The following TMEM123 variants were observed in gnomAD, a reference collection of about 807,000 sequenced individuals.
TMEM123 encodes the protein porimin.
A neutral mutation model predicts 19.7 loss-of-function variants in TMEM123; 16 were observed. That is an observed-to-expected ratio of 0.81 (90% CI 0.55 to 1.23). The LOEUF is 1.23. TMEM123 is among the 50% of genes most tolerant of loss of function. TMEM123 has a pLI of 0.00. For missense variants in TMEM123, 313 were observed against 257.8 expected, an observed-to-expected ratio of 1.21 and a Z score of -1.47; for synonymous variants, 118 against 99.4, an observed-to-expected ratio of 1.19 and a Z score of -1.12.
At chr11:102,440,935 A>C (rs1313234465) in intron 2 of TMEM123, among the ~76,000 whole-genome samples, 2 of 152,212 alleles carry the variant, frequency 1.3e-5, no homozygotes, top group Non-Finnish European at 2.9e-5. Context: ...CAAAGATCAA[A>C]AGAGACAAAG....
intron 2 of TMEM123, among the ~76,000 whole-genome samples, chr11:102,432,043 G>T (rs979101730): frequency 1.3e-4 from 20 of 152,112 alleles, no homozygotes; most frequent in African/African-American, 4.8e-4. Flanking sequence ...AATCCATCTT[G>T]GGTATTTCTT....
chr11:102,424,520 C>A (rs573446642), intron 2 of TMEM123, among the ~76,000 whole-genome samples: 2 of 152,206 alleles, frequency 1.3e-5, no homozygotes, highest in East Asian at 3.9e-4. Context: ...AACCCCACAT[C>A]TACTAAAAAA....
rs139706673 is a variant in TMEM123 at position 102,431,158 on chromosome 11, C to T, written c.157+17654G>A. 4.1e-4 allele frequency among the ~76,000 whole-genome samples: 63 copies of T among 151,888 alleles called. No individual in the cohort carries two copies. In the East Asian group the frequency reaches 9.1e-3, roughly 22 times the overall value. ...TTAAAAAAGAAAAACTAAAAATAGT[C>T]GGTGGGATACTTAAAAAAAAACTGT... On this transcript the variant is annotated intron_variant, in intron 2 of 4. Coordinates refer to ENST00000398136, the MANE Select transcript of TMEM123 (RefSeq NM_052932.3).
intron 2 of TMEM123, among the ~76,000 whole-genome samples, chr11:102,429,230 G>A (rs1952155216): frequency 1.3e-5 from 2 of 152,012 alleles, no homozygotes; most frequent in South Asian, 2.1e-4. Flanking sequence ...TGTCCAACAA[G>A]TCCTTGTTTA....
chr11:102,444,854 T>C (rs1002784335), intron 2 of TMEM123, among the ~76,000 whole-genome samples: 3 of 151,464 alleles, frequency 2.0e-5, no homozygotes, highest in African/African-American at 4.9e-5. Flanking sequence ...AAAGGATGAG[T>C]TCATGTCCTT....
At chr11:102,427,885 T>C (rs1952143130) in intron 2 of TMEM123, among the ~76,000 whole-genome samples, 1 of 151,826 alleles carries the variant, frequency 6.6e-6, no homozygotes, top group Non-Finnish European at 1.5e-5. Flanking sequence ...AATGTAAACA[T>C]TCTACCAGTT....
intron 2 of TMEM123, among the ~76,000 whole-genome samples, chr11:102,436,784 C>T (rs558185027): frequency 3.9e-5 from 6 of 152,266 alleles, no homozygotes; most frequent in African/African-American, 1.4e-4. Context: ...AGCCTGCCTG[C>T]TCTCTGTGAA....
At chr11:102,400,978 C>T (rs976927355) in intron 4 of TMEM123, among the ~76,000 whole-genome samples, 39 of 152,256 alleles carry the variant, frequency 2.6e-4, no homozygotes, top group African/African-American at 9.1e-4. Context: ...ACCTATAGAG[C>T]TACATGTAGA....
chr11:102,427,403 G>A (rs1462351227), intron 2 of TMEM123, among the ~76,000 whole-genome samples: 5 of 151,176 alleles, frequency 3.3e-5, no homozygotes, highest in Non-Finnish European at 7.4e-5. Context: ...AGAAGTGGAA[G>A]AGAAGGCAGA....
chr11:102,402,041 G>A lies in TMEM123; in HGVS notation c.323C>T (p.Thr108Ile), dbSNP rs752995129. Residue 108 changes from threonine (T) to isoleucine (I), a missense_variant, in exon 3 of 5, where the codon ACT (threonine) becomes ATT (isoleucine). Physicochemically the swap from Thr to Ile is moderately conservative, Grantham distance 89. Transcript: ENST00000398136. The part of the protein sequence containing the change: ...TTPGMVSTNM[T>I]STTLKSTPKT... ...GGGTGTAGACTTTAAGGTGGTAGAAGTCATATTTGTTGAGACCATCCCTGG... is the reference window on the plus strand; with the variant it reads ...GGGTGTAGACTTTAAGGTGGTAGAAATCATATTTGTTGAGACCATCCCTGG... The A allele has an allele frequency of 6.2e-7, 1 of 1,613,980 alleles. No individual in the cohort carries two copies. Among genetic ancestry groups the A allele is most frequent in the Non-Finnish European group, 8.5e-7 (1 of 1,179,954 alleles).
At chr11:102,441,098 G>T (rs1213828888) in intron 2 of TMEM123, among the ~76,000 whole-genome samples, 1 of 152,118 alleles carries the variant, frequency 6.6e-6, no homozygotes, top group Non-Finnish European at 1.5e-5. Flanking sequence ...AATAATGGGA[G>T]ACTTTAACAC....
intron 2 of TMEM123, among the ~76,000 whole-genome samples, chr11:102,407,572 G>A (rs1190687364): frequency 6.6e-6 from 1 of 152,180 alleles, no homozygotes; most frequent in Non-Finnish European, 1.5e-5. Context: ...TAAGTCATTA[G>A]GTTAGGCTTA....
chr11:102,434,052 T>C (rs1338233743), intron 2 of TMEM123, among the ~76,000 whole-genome samples: 3 of 151,956 alleles, frequency 2.0e-5, no homozygotes, highest in African/African-American at 7.2e-5. Context: ...GTAATGAACA[T>C]GGGAGTGCAG....
At chr11:102,412,627 G>A (rs953833598) in intron 2 of TMEM123, among the ~76,000 whole-genome samples, 10 of 152,078 alleles carry the variant, frequency 6.6e-5, no homozygotes, top group Non-Finnish European at 1.3e-4. Context: ...AATATCATAT[G>A]CAAGTCTTTA....
At chr11:102,436,180 T>C (rs1857760595) in intron 2 of TMEM123, among the ~76,000 whole-genome samples, 1 of 152,060 alleles carries the variant, frequency 6.6e-6, no homozygotes, top group African/African-American at 2.4e-5. Flanking sequence ...TATTTTATTT[T>C]GAGATGGAGT....
intron 2 of TMEM123, among the ~76,000 whole-genome samples, chr11:102,408,956 T>C (rs1951979171): frequency 6.6e-6 from 1 of 152,226 alleles, no homozygotes; most frequent in African/African-American, 2.4e-5. Flanking sequence ...CTGGATTCAT[T>C]CCGACTATCT....
chr11:102,432,262 G>A (rs1037344949), intron 2 of TMEM123, among the ~76,000 whole-genome samples: 6 of 151,708 alleles, frequency 4.0e-5, no homozygotes, highest in Non-Finnish European at 8.9e-5. Flanking sequence ...AAAAGATGTG[G>A]GAAAGTTTGG....
chr11:102,416,029 C>T (rs1952041872), intron 2 of TMEM123, among the ~76,000 whole-genome samples: 1 of 152,088 alleles, frequency 6.6e-6, no homozygotes, highest in South Asian at 2.1e-4. Flanking sequence ...ATTCTCCTGC[C>T]TCGGCCTCCC....
chr11:102,409,600 C>T (rs1951985456), intron 2 of TMEM123, among the ~76,000 whole-genome samples: 1 of 152,042 alleles, frequency 6.6e-6, no homozygotes, highest in African/African-American at 2.4e-5. Context: ...GGTGTGGTGG[C>T]TCATACCTGT....
Sources: gnomAD v4.1 joint callset for allele counts (sites outside exome capture counted in the v4.1 genomes callset) on GRCh38, gnomAD v4.1.1 for gene constraint, MANE v1.5 for transcripts, NCBI Gene and HGNC (gene_info 2026-07-23, HGNC 2026-07-21) for gene names.